ATP9B: variants seen among roughly 807,000 people sequenced by gnomAD.
ATP9B encodes probable phospholipid-transporting ATPase IIB.
A neutral mutation model predicts 146.1 loss-of-function variants in ATP9B; 110 were observed. That is an observed-to-expected ratio of 0.75 (90% CI 0.65 to 0.88). ATP9B has a LOEUF of 0.88. ATP9B is among the 40% of genes least tolerant of loss of function. The pLI is 0.00. For synonymous variants in ATP9B, 604 were observed against 569.7 expected (o/e 1.06, Z -0.86); for missense variants, 1,499 against 1,496.4 (o/e 1.00, Z -0.03).
rs78269888 is a variant in ATP9B at position 79,192,961 on chromosome 18, G to T, written c.874-222G>T. Reference sequence around the variant, plus strand: ...TTTTGAGTGTCTCCTGCATGATTTTGACTCACACCTGCTGTTCAAAAGCAC... The same window carrying T: ...TTTTGAGTGTCTCCTGCATGATTTTTACTCACACCTGCTGTTCAAAAGCAC... On this transcript the variant is annotated intron_variant, in intron 8 of 29. Coordinates refer to ENST00000426216, the MANE Select transcript of ATP9B (RefSeq NM_198531.5). Among the ~76,000 whole-genome samples, 993 of 152,170 alleles carry T rather than the reference G, an allele frequency of 6.5e-3. 10 individuals are homozygous for T. Among genetic ancestry groups the T allele is most frequent in the African/African-American group, 0.023 (951 of 41,532 alleles).
At chr18:79,181,948 G>A (rs535166147) in intron 8 of ATP9B, among the ~76,000 whole-genome samples, 8 of 151,982 alleles carry the variant, frequency 5.3e-5, no homozygotes, top group African/African-American at 1.9e-4. Context: ...GCTTCTTTCC[G>A]TGTCTGGTAA....
intron 8 of ATP9B, among the ~76,000 whole-genome samples, chr18:79,177,319 T>C (rs566491787): frequency 6.6e-6 from 1 of 152,236 alleles, no homozygotes; most frequent in Admixed American, 6.5e-5. Context: ...CACTGCAGCC[T>C]CAAACGCCTG....
intron 15 of ATP9B, among the ~76,000 whole-genome samples, chr18:79,322,130 C>T (rs1305006575): frequency 6.6e-6 from 1 of 152,032 alleles, no homozygotes; most frequent in Non-Finnish European, 1.5e-5. Flanking sequence ...TGGAGTGTAT[C>T]GCTGATGCCC....
At position 79,118,805 on chromosome 18, in the gene ATP9B, C is replaced by T. The variant is rs146488666; in HGVS notation, c.558+5451C>T. 4.0e-3 allele frequency among the ~76,000 whole-genome samples: 608 copies of T among 152,016 alleles called. 4 individuals are homozygous for T. Among genetic ancestry groups the T allele is most frequent in the Middle Eastern group, 0.01 (3 of 294 alleles). On this transcript the variant is annotated intron_variant, in intron 4 of 29. Transcript: ENST00000426216. Reference sequence around the variant, plus strand: ...AAGTATCGTTTCCCGGCTGGGTGCTCGTACCAGTAATCTCAGCACTTTGGG... The same window carrying T: ...AAGTATCGTTTCCCGGCTGGGTGCTTGTACCAGTAATCTCAGCACTTTGGG...
chr18:79,106,985 A>T (rs534957655), intron 2 of ATP9B, among the ~76,000 whole-genome samples: 2 of 152,316 alleles, frequency 1.3e-5, no homozygotes, highest in Admixed American at 1.3e-4. Context: ...TTTTATATGT[A>T]TCTTTTCAAA....
chr18:79,202,450 C>G (rs909756186), intron 9 of ATP9B, among the ~76,000 whole-genome samples: 4 of 152,116 alleles, frequency 2.6e-5, no homozygotes, highest in African/African-American at 9.7e-5. Flanking sequence ...TTGTTCATGT[C>G]TTCTTCAGCC....
At chr18:79,346,643 G>A (rs1278038296) in intron 23 of ATP9B, among the ~76,000 whole-genome samples, 2 of 130,426 alleles carry the variant, frequency 1.5e-5, no homozygotes, top group Admixed American at 7.6e-5. Context: ...CACACTCAGC[G>A]CACCTCAGCA....
At chr18:79,369,751 C>T (rs1288738661) in intron 26 of ATP9B, among the ~76,000 whole-genome samples, 2 of 152,166 alleles carry the variant, frequency 1.3e-5, no homozygotes, top group Admixed American at 6.5e-5. Flanking sequence ...TGAGTGCTTC[C>T]GTACGAATAA....
intron 29 of ATP9B, chr18:79,376,204 C>CAT: frequency 1.1e-6 from 1 of 952,160 alleles, no homozygotes; most frequent in East Asian, 1.2e-4. Context: ...CACACACACA[C>CAT]ACACACACAC....
chr18:79,200,793 T>TGTCGGGGTCAGAGCAGAGGCGGAGG (rs1568389334), intron 9 of ATP9B, among the ~76,000 whole-genome samples: 4 of 2,148 alleles, frequency 1.9e-3, no homozygotes, highest in East Asian at 8.5e-3. Context: ...AGTGGTGGAA[T>TGTCGGGGTCAGAGCAGAGGCGGAGG]TGTTTTCATC....
chr18:79,210,433 G>C (rs2095573712), intron 10 of ATP9B, among the ~76,000 whole-genome samples: 1 of 152,096 alleles, frequency 6.6e-6, no homozygotes. Flanking sequence ...AGGGTCTTCT[G>C]TGTCTCTGTG....
intron 17 of ATP9B, among the ~76,000 whole-genome samples, chr18:79,332,155 T>C (rs150698140): frequency 0.02 from 3,088 of 152,242 alleles, 61 homozygotes; most frequent in Non-Finnish European, 0.032. Flanking sequence ...ATGGGCTGGG[T>C]ACGGTGGCTT....
chr18:79,314,581 G>A (rs2146736766), intron 15 of ATP9B, among the ~76,000 whole-genome samples: 1 of 152,322 alleles, frequency 6.6e-6, no homozygotes, highest in Non-Finnish European at 1.5e-5. Context: ...TTGTCAAAGT[G>A]TAAATAACTG....
chr18:79,200,928 G>C (rs1229886546), intron 9 of ATP9B, among the ~76,000 whole-genome samples: 1 of 152,184 alleles, frequency 6.6e-6, no homozygotes, highest in African/African-American at 2.4e-5. Context: ...GGCTGCTTTA[G>C]GACGGTCGGT....
rs1568699942 is a variant in ATP9B, at chr18:79,327,727, G to GCCGTGGTTAGCGTGCTCT, written c.1774-1394_1774-1377dup. Among the ~76,000 whole-genome samples the GCCGTGGTTAGCGTGCTCT allele has an allele frequency of 3.6e-5, 2 of 54,836 alleles. 1 individual carries two copies. The allele number at this position is 54,836 out of a possible 152,430, so 36.0% of individuals were successfully genotyped here. On this transcript the variant is annotated intron_variant, in intron 15 of 29. Coordinates refer to ENST00000426216, the MANE Select transcript of ATP9B (RefSeq NM_198531.5). Reference sequence around the variant, plus strand: ...TGCTCTCTCCATGGTTAGCGTGCTCGCCGTGGTTAGCGTGCTCTCCGTGGT... The same window carrying GCCGTGGTTAGCGTGCTCT: ...TGCTCTCTCCATGGTTAGCGTGCTCGCCGTGGTTAGCGTGCTCTCCGTGGTTAGCGTGCTCTCCGTGGT...
At chr18:79,233,632 T>C (rs2148599373) in intron 11 of ATP9B, among the ~76,000 whole-genome samples, 1 of 152,272 alleles carries the variant, frequency 6.6e-6, no homozygotes, top group South Asian at 2.1e-4. Context: ...CTTAGGTGTG[T>C]CGTTACAGAT....
intron 4 of ATP9B, among the ~76,000 whole-genome samples, chr18:79,118,826 T>C (rs1406343577): frequency 6.6e-6 from 1 of 152,068 alleles, no homozygotes; most frequent in Non-Finnish European, 1.5e-5. Flanking sequence ...TCTCAGCACT[T>C]TGGGAGGCCA....
intron 15 of ATP9B, among the ~76,000 whole-genome samples, chr18:79,312,638 T>C (rs1179558855): frequency 6.6e-6 from 1 of 152,220 alleles, no homozygotes; most frequent in Non-Finnish European, 1.5e-5. Flanking sequence ...ACCTTGGCTG[T>C]GTGGGAAGAT....
chr18:79,296,788 T>C (rs1453139725), intron 13 of ATP9B, among the ~76,000 whole-genome samples: 5 of 152,148 alleles, frequency 3.3e-5, no homozygotes, highest in Non-Finnish European at 7.3e-5. Flanking sequence ...GTTCTGGGGA[T>C]AGAGTTGGGA....
Sources: allele counts gnomAD v4.1 joint callset (sites outside exome capture counted in the v4.1 genomes callset), GRCh38; gene constraint gnomAD v4.1.1; transcripts MANE v1.5; gene names NCBI Gene and HGNC (gene_info 2026-07-23, HGNC 2026-07-21).